GAS7: variants seen among roughly 807,000 people sequenced by gnomAD.
GAS7 encodes the protein growth arrest specific 7.
Under a neutral mutation model 71.1 loss-of-function variants are expected in GAS7, and 28 were observed. The observed-to-expected ratio is 0.39, with a 90% CI of 0.29 to 0.54. The LOEUF (loss-of-function observed/expected upper bound fraction) is 0.54, where lower values mean the gene tolerates loss of function less well. Ranked by LOEUF, GAS7 falls within the 20% of genes least tolerant of loss-of-function variation. The probability of loss-of-function intolerance (pLI) is 0.62; values close to 1 mark genes in which losing one functional copy is unlikely to be tolerated. For synonymous variants in GAS7, 258 were observed against 245.8 expected (o/e 1.05, Z -0.46); for missense variants, 436 against 627.8 (o/e 0.69, Z 3.27).
chr17:10,009,426 A>G (rs1266840052), intron 2 of GAS7, among the ~76,000 whole-genome samples: 1 of 152,082 alleles, frequency 6.6e-6, no homozygotes, highest in African/African-American at 2.4e-5. Flanking sequence ...AGAAAAATTA[A>G]AGCAAGAAAT....
At chr17:9,918,575 C>T (rs796171324) in intron 12 of GAS7, among the ~76,000 whole-genome samples, 1 of 152,188 alleles carries the variant, frequency 6.6e-6, no homozygotes, top group Non-Finnish European at 1.5e-5. Flanking sequence ...CAAGGGGGCA[C>T]ATGTGGGAGC....
chr17:10,094,670 G>A (rs554375681), intron 1 of GAS7, among the ~76,000 whole-genome samples: 170 of 151,904 alleles, frequency 1.1e-3, no homozygotes, highest in Admixed American at 4.1e-3. Context: ...GGGTTTCACC[G>A]TGTTAGCCAG....
intron 2 of GAS7, among the ~76,000 whole-genome samples, chr17:9,987,007 T>C (rs1463987346): frequency 1.3e-5 from 2 of 152,176 alleles, no homozygotes; most frequent in African/African-American, 2.4e-5. Flanking sequence ...GGAAGCCGTG[T>C]CCAGGTCTTT....
chr17:10,161,085 G>GT (rs2074252733), intron 1 of GAS7, among the ~76,000 whole-genome samples: 1 of 152,196 alleles, frequency 6.6e-6, no homozygotes, highest in African/African-American at 2.4e-5. Flanking sequence ...TCGCGGCTCC[G>GT]TTTTGTTTGT....
In GAS7 at chr17:9,917,330, G is replaced by C; in HGVS notation, c.1329C>G (p.Pro443=). 1 of 1,612,112 alleles carries C rather than the reference G, an allele frequency of 6.2e-7. No homozygotes were observed. The highest frequency in any genetic ancestry group is 8.5e-7 in the Non-Finnish European group (1 of 1,178,070). Residue 443 remains proline (P), a synonymous_variant, in exon 14 of 14, where the codon CCC becomes CCG. Coordinates refer to ENST00000432992, the MANE Select transcript of GAS7 (RefSeq NM_201433.2). ...TDMFNQSTVE[P]VDQLLRKVDP... ...CCACTTTTCGAAGCAGCTGATCCAC[G>C]GGCTCGACTGTCTGCAAGAGACAGA...
At chr17:9,945,446 T>C (rs1273866776) in intron 6 of GAS7, among the ~76,000 whole-genome samples, 3 of 152,080 alleles carry the variant, frequency 2.0e-5, no homozygotes, top group Admixed American at 6.6e-5. Flanking sequence ...CCCCGCCCTC[T>C]GAGCTCACCT....
intron 1 of GAS7, among the ~76,000 whole-genome samples, chr17:10,141,488 G>A (rs2074080883): frequency 6.6e-6 from 1 of 151,558 alleles, no homozygotes; most frequent in Non-Finnish European, 1.5e-5. Flanking sequence ...GAGCACCCCT[G>A]AAGAGACACA....
intron 1 of GAS7, among the ~76,000 whole-genome samples, chr17:10,195,431 G>A (rs754073689): frequency 2.0e-5 from 3 of 152,124 alleles, no homozygotes; most frequent in Non-Finnish European, 4.4e-5. Flanking sequence ...CCAAGATGGG[G>A]TTTCCTAGTA....
chr17:10,154,530 A>G (rs1228170597), intron 1 of GAS7, among the ~76,000 whole-genome samples: 2 of 151,848 alleles, frequency 1.3e-5, no homozygotes, highest in African/African-American at 4.8e-5. Flanking sequence ...AAAAATTCAC[A>G]GGCCAGGCAT....
At chr17:9,960,117 G>A (rs2060880076) in intron 4 of GAS7, among the ~76,000 whole-genome samples, 1 of 152,108 alleles carries the variant, frequency 6.6e-6, no homozygotes, top group Admixed American at 6.5e-5. Flanking sequence ...ACAGCAACCT[G>A]GGAAGCAGGC....
chr17:10,188,467 A>G (rs928090925), intron 1 of GAS7, among the ~76,000 whole-genome samples: 2 of 152,318 alleles, frequency 1.3e-5, no homozygotes, highest in Non-Finnish European at 2.9e-5. Flanking sequence ...GTGGAATTGT[A>G]CAGTGCCAAA....
rs1040362578 is a variant in GAS7 at position 10,034,362 on chromosome 17, G to A, written c.184-14465C>T. 4 of 309,806 alleles carry A rather than the reference G, an allele frequency of 1.3e-5. No individual in the cohort carries two copies. The highest frequency in any genetic ancestry group is 1.9e-5 in the Non-Finnish European group (4 of 213,790). The allele number at this position is 309,806 out of a possible 1,614,324, so 19.2% of individuals were successfully genotyped here. On this transcript the variant is annotated intron_variant, in intron 1 of 13. Transcript: ENST00000432992. This position sits in a 1 kb window ranked among gnomAD's most constrained non-coding sequence, Gnocchi z 4.4. ...CTTGCTGTGTCACCCAGGCTGGAGT[G>A]CAGTGGCGTGATCTCGGCTCACTGC...
At chr17:9,927,316 C>CACAT (rs559998014) in intron 9 of GAS7, among the ~76,000 whole-genome samples, 2 of 149,888 alleles carry the variant, frequency 1.3e-5, no homozygotes, top group African/African-American at 5.0e-5. Flanking sequence ...CACACACACA[C>CACAT]ACACACACAC....
intron 1 of GAS7, among the ~76,000 whole-genome samples, chr17:10,081,870 G>C (rs1317732303): frequency 2.6e-5 from 4 of 152,212 alleles, no homozygotes; most frequent in African/African-American, 9.6e-5. Context: ...GGAAAGTCCA[G>C]ATGTACATTC....
At chr17:9,949,190 C>A (rs994338006) in intron 5 of GAS7, among the ~76,000 whole-genome samples, 1 of 147,812 alleles carries the variant, frequency 6.8e-6, no homozygotes, top group African/African-American at 2.7e-5. Flanking sequence ...CTGCTCAGCT[C>A]TTTGGGCAGG....
At chr17:9,958,934 C>T (rs1030484772) in intron 5 of GAS7, 2 of 1,373,542 alleles carry the variant, frequency 1.5e-6, no homozygotes, top group African/African-American at 2.9e-5. Flanking sequence ...CCTTCCCCTC[C>T]TGCCCTGAAA....
At chr17:9,986,057 C>G (rs1317788802) in intron 2 of GAS7, among the ~76,000 whole-genome samples, 1 of 152,222 alleles carries the variant, frequency 6.6e-6, no homozygotes, top group African/African-American at 2.4e-5. Context: ...ACCTTGACAC[C>G]TTATCTCCTT....
At chr17:9,943,699 G>C (rs143922851) in intron 6 of GAS7, among the ~76,000 whole-genome samples, 5 of 152,322 alleles carry the variant, frequency 3.3e-5, no homozygotes, top group African/African-American at 9.6e-5. Context: ...TGGTAGGGCA[G>C]TGACACCCTC....
chr17:9,919,717 C>T lies in GAS7; in HGVS notation c.1139-12G>A. On this transcript the variant is annotated splice_polypyrimidine_tract_variant and intron_variant, in intron 11 of 13. Coordinates refer to ENST00000432992, the MANE Select transcript of GAS7 (RefSeq NM_201433.2). The surrounding 1 kb of genome is among the most constrained non-coding windows in gnomAD (Gnocchi z 5.0). ...CATGAGGTCGTCTCCTGGAAAAAGA[C>T]CACAGTCACCATCATGAAGCATCCT... 1 of 1,592,482 alleles carries T rather than the reference C, an allele frequency of 6.3e-7. No homozygotes were observed.
Sources: gnomAD v4.1 joint callset for allele counts (sites outside exome capture counted in the v4.1 genomes callset) on GRCh38, gnomAD v4.1.1 for gene constraint, Gnocchi (gnomAD v3.1) non-coding constraint, MANE v1.5 for transcripts, NCBI Gene and HGNC (gene_info 2026-07-23, HGNC 2026-07-21) for gene names.